Variants in CD28 observed in about 807,000 individuals in gnomAD.
CD28 encodes the protein CD28 molecule.
A neutral mutation model predicts 21.4 loss-of-function variants in CD28; 8 were observed. The observed-to-expected ratio is 0.37, with a 90% CI of 0.22 to 0.68. The LOEUF (loss-of-function observed/expected upper bound fraction) is 0.68. Among genes scored for constraint, CD28 ranks in the 30% least tolerant of loss-of-function variants. The pLI, the probability that CD28 is intolerant of heterozygous loss-of-function variation, is 0.55. For missense variants in CD28, 239 were observed against 272.2 expected (o/e 0.88, Z 0.86); for synonymous variants, 106 against 104.0 (o/e 1.02, Z -0.12).
At position 203,737,542 on chromosome 2, in the gene CD28, G is replaced by A. The variant is rs1450917616; in HGVS notation, c.*2630G>A. 6.6e-6 allele frequency: 1 copy of A among 152,522 alleles called. No homozygotes were observed. Among genetic ancestry groups the A allele is most frequent in the African/African-American group, 2.4e-5 (1 of 41,402 alleles). 9.4% of individuals were successfully genotyped at this position (152,522 alleles called of 1,614,324 possible). On this transcript the variant is annotated 3_prime_UTR_variant, in exon 4 of 4. Transcript: ENST00000324106. The stretch of plus-strand genomic sequence containing the variant: ...ACTTGAGATGTTTCTTACTCACTCT[G>A]CACAGAAACAAAGAAGAAATGTTAT...
At chr2:203,725,087 C>T (rs772553092) in intron 1 of CD28, among the ~76,000 whole-genome samples, 23 of 151,808 alleles carry the variant, frequency 1.5e-4, no homozygotes, top group Non-Finnish European at 2.8e-4. Context: ...GTTGGGAGTT[C>T]GAGACAAGCC....
chr2:203,716,326 C>T (rs540015100), intron 1 of CD28, among the ~76,000 whole-genome samples: 38 of 152,268 alleles, frequency 2.5e-4, no homozygotes, highest in African/African-American at 7.7e-4. Flanking sequence ...GCTTCTTTCG[C>T]GTGCCTGTCA....
In CD28 at chr2:203,726,534, T is replaced by C. The variant is rs10188756; in HGVS notation, c.53-99T>C. 1,179 of 812,326 alleles carry C rather than the reference T, an allele frequency of 1.5e-3. 8 individuals are homozygous for C. In the African/African-American group the frequency reaches 0.016, roughly 11 times the overall value. 50.3% of individuals were successfully genotyped at this position (812,326 alleles called of 1,614,324 possible). On this transcript the variant is annotated intron_variant, in intron 1 of 3. Transcript: ENST00000324106. Reference sequence around the variant, plus strand: ...TCTTCTGCCAAGAGAAAACCTTTGCTGGAGATCTGTTCATTTAGTTAATTA... The same window carrying C: ...TCTTCTGCCAAGAGAAAACCTTTGCCGGAGATCTGTTCATTTAGTTAATTA...
At chr2:203,712,023 C>A (rs1693326622) in intron 1 of CD28, among the ~76,000 whole-genome samples, 1 of 152,034 alleles carries the variant, frequency 6.6e-6, no homozygotes, top group Non-Finnish European at 1.5e-5. Flanking sequence ...GAAACCCCAT[C>A]TCTACTAAAA....
In CD28 at chr2:203,734,780, G is replaced by T. The variant is rs775856796; in HGVS notation, c.535-4G>T. On this transcript the variant is annotated splice_region_variant and splice_polypyrimidine_tract_variant and intron_variant, in intron 3 of 3. Coordinates refer to ENST00000324106, the MANE Select transcript of CD28 (RefSeq NM_006139.4). ...CTCCATACTGACACTTCTCTTTCCTGCAGGTGAGGAGTAAGAGGAGCAGGC... is the reference window on the plus strand; with the variant it reads ...CTCCATACTGACACTTCTCTTTCCTTCAGGTGAGGAGTAAGAGGAGCAGGC... 18 of 1,614,126 alleles carry T rather than the reference G, an allele frequency of 1.1e-5. No individual in the cohort carries two copies. In the Admixed American group the frequency reaches 3.0e-4, roughly 27 times the overall value.
intron 2 of CD28, among the ~76,000 whole-genome samples, chr2:203,727,378 C>CT (rs1271128124): frequency 2.0e-5 from 3 of 151,938 alleles, no homozygotes; most frequent in African/African-American, 7.3e-5. Flanking sequence ...CTAATTAATT[C>CT]TTTTTTTGTG....
At chr2:203,710,427 G>C (rs958527425) in intron 1 of CD28, among the ~76,000 whole-genome samples, 1 of 152,238 alleles carries the variant, frequency 6.6e-6, no homozygotes, top group Non-Finnish European at 1.5e-5. Flanking sequence ...AGATAGATTA[G>C]AAATAGAAAT....
At chr2:203,717,979 C>A (rs901255283) in intron 1 of CD28, among the ~76,000 whole-genome samples, 1 of 152,090 alleles carries the variant, frequency 6.6e-6, no homozygotes, top group Non-Finnish European at 1.5e-5. Context: ...ATTATTATTA[C>A]CATTTTTTCA....
At position 203,708,077 on chromosome 2, in the gene CD28, T is replaced by C. The variant is rs1318269628; in HGVS notation, c.52+1329T>C. On this transcript the variant is annotated intron_variant, in intron 1 of 3. Transcript: ENST00000324106. ...AAGATACATTGAAAAGCCAGTATCC[T>C]CAATTTTCTTTCTTATTTTGGCAGT... Among the ~76,000 whole-genome samples the C allele has an allele frequency of 3.3e-5, 5 of 152,308 alleles. No homozygotes were observed. The East Asian group carries it at 9.6e-4, about 29-fold the overall frequency.
intron 2 of CD28, among the ~76,000 whole-genome samples, chr2:203,728,688 CAA>C (rs759399408): frequency 8.5e-5 from 13 of 152,172 alleles, no homozygotes; most frequent in Non-Finnish European, 1.6e-4. Flanking sequence ...TTAATTGTAT[CAA>C]GTCAAAGGTT....
intron 1 of CD28, among the ~76,000 whole-genome samples, chr2:203,725,489 GA>G (rs11374410): frequency 5.7e-4 from 76 of 132,962 alleles, no homozygotes; most frequent in African/African-American, 1.2e-3. Context: ...CATTAGAAAA[GA>G]AAAAAAAAAA....
intron 1 of CD28, among the ~76,000 whole-genome samples, chr2:203,713,620 G>T (rs776661033): frequency 9.2e-5 from 14 of 152,128 alleles, no homozygotes; most frequent in Non-Finnish European, 1.5e-5. Context: ...GAGACATGGA[G>T]AAGGAAGATA....
chr2:203,738,588 C>G lies in CD28; in HGVS notation c.*3676C>G, dbSNP rs539863335. 1 of 152,214 alleles carries G rather than the reference C, an allele frequency of 6.6e-6. No homozygotes were observed. Among genetic ancestry groups the G allele is most frequent in the East Asian group, 1.9e-4 (1 of 5,200 alleles). The allele number at this position is 152,214 out of a possible 1,614,324, so 9.4% of individuals were successfully genotyped here. On this transcript the variant is annotated 3_prime_UTR_variant, in exon 4 of 4. Coordinates refer to ENST00000324106, the MANE Select transcript of CD28 (RefSeq NM_006139.4). ...ATGTATCAGGAATACTCAACCATCA[C>G]AGGCATGTTCCTACCTCAGGGCCTT...
intron 2 of CD28, among the ~76,000 whole-genome samples, chr2:203,727,430 TTTCCTTCCTTCCTTCC>T (rs762878963): frequency 2.8e-4 from 28 of 98,816 alleles, no homozygotes; most frequent in Non-Finnish European, 3.2e-4. Flanking sequence ...CCATTTTCTT[TTTCCTTCCTTCCTTCC>T]TTCCTTCCTT....
At chr2:203,720,063 T>C (rs914575845) in intron 1 of CD28, among the ~76,000 whole-genome samples, 1 of 152,200 alleles carries the variant, frequency 6.6e-6, no homozygotes, top group Non-Finnish European at 1.5e-5. Flanking sequence ...ACTTTCAATT[T>C]TCCTGAAGTC....
At chr2:203,719,250 T>A (rs566212652) in intron 1 of CD28, among the ~76,000 whole-genome samples, 8 of 152,314 alleles carry the variant, frequency 5.3e-5, no homozygotes, top group African/African-American at 1.7e-4. Flanking sequence ...TTCTCTTTTT[T>A]TCCCCCCAAT....
intron 3 of CD28, among the ~76,000 whole-genome samples, chr2:203,730,503 T>C (rs767860116): frequency 2.6e-5 from 4 of 152,228 alleles, no homozygotes; most frequent in Non-Finnish European, 5.9e-5. Flanking sequence ...GTGACCCTTG[T>C]TCTTACTCAG....
In CD28 at chr2:203,729,809, A is replaced by G. The variant is rs200274507; in HGVS notation, c.534+37A>G. 5.5e-5 allele frequency: 89 copies of G among 1,603,782 alleles called. 2 individuals are homozygous for G. The highest frequency in any genetic ancestry group is 4.8e-4 in the South Asian group (43 of 89,262). On this transcript the variant is annotated intron_variant, in intron 3 of 3. Coordinates refer to ENST00000324106, the MANE Select transcript of CD28 (RefSeq NM_006139.4). ...AGCACTGCTTTTATGTAACTTTTCCACTGCACATGAAATCTGAACACATTC... is the reference window on the plus strand; with the variant it reads ...AGCACTGCTTTTATGTAACTTTTCCGCTGCACATGAAATCTGAACACATTC...
chr2:203,720,074 G>A (rs1285199560), intron 1 of CD28, among the ~76,000 whole-genome samples: 3 of 151,954 alleles, frequency 2.0e-5, no homozygotes, highest in Admixed American at 2.0e-4. Flanking sequence ...TCCTGAAGTC[G>A]GCTGTTTCAC....
Sources: allele counts gnomAD v4.1 joint callset (sites outside exome capture counted in the v4.1 genomes callset), GRCh38; gene constraint gnomAD v4.1.1; transcripts MANE v1.5; gene names NCBI Gene and HGNC (gene_info 2026-07-23, HGNC 2026-07-21).